Variants in ROBO2 observed in about 807,000 individuals in gnomAD.
ROBO2 encodes the protein roundabout homolog 2.
ROBO2 carries 53 observed loss-of-function variants against 160.8 expected under a neutral mutation model. The observed-to-expected ratio is 0.33, with a 90% CI of 0.26 to 0.41. ROBO2 has a LOEUF of 0.41. Ranked by LOEUF, ROBO2 falls within the 10% of genes least tolerant of loss-of-function variation. The pLI is 1.00. For missense variants in ROBO2, 1,577 were observed against 1,722.4 expected (o/e 0.92, Z 1.49); for synonymous variants, 664 against 611.7 (o/e 1.09, Z -1.26).
intron 2 of ROBO2, among the ~76,000 whole-genome samples, chr3:76,080,579 G>A (rs2108023356): frequency 6.6e-6 from 1 of 152,286 alleles, no homozygotes; most frequent in South Asian, 2.1e-4. Flanking sequence ...GCTCTGAGGA[G>A]TTGCTTACAA....
intron 1 of ROBO2, among the ~76,000 whole-genome samples, chr3:75,907,237 T>G (rs772327655): frequency 1.3e-5 from 2 of 152,158 alleles, no homozygotes; most frequent in African/African-American, 4.8e-5. Context: ...TAGACAAGCT[T>G]TTAAGACGGA....
chr3:76,995,973 A>G (rs951625908), intron 2 of ROBO2, among the ~76,000 whole-genome samples: 66 of 152,212 alleles, frequency 4.3e-4, no homozygotes, highest in African/African-American at 1.6e-3. Context: ...CCATCTGTCA[A>G]TTTTGGCTTT....
At chr3:76,224,349 G>A (rs1275667552) in intron 2 of ROBO2, among the ~76,000 whole-genome samples, 3 of 152,300 alleles carry the variant, frequency 2.0e-5, no homozygotes, top group East Asian at 3.9e-4. Flanking sequence ...AGAAACTTAA[G>A]AGGATATGAG....
intron 20 of ROBO2, 40 bp from the exon 22 acceptor site, chr3:77,607,758 G>T: frequency 1.3e-6 from 2 of 1,585,022 alleles, no homozygotes; most frequent in Non-Finnish European, 1.7e-6. Flanking sequence ...TCTTTATTCT[G>T]CTATTTGGCA....
intron 2 of ROBO2, among the ~76,000 whole-genome samples, chr3:77,305,431 A>G (rs897817388): frequency 6.6e-6 from 1 of 152,230 alleles, no homozygotes; most frequent in Non-Finnish European, 1.5e-5. Context: ...TGCCATGCAC[A>G]GCAATACATC....
chr3:76,898,747 G>A (rs989873486), intron 2 of ROBO2, among the ~76,000 whole-genome samples: 1 of 151,916 alleles, frequency 6.6e-6, no homozygotes, highest in African/African-American at 2.4e-5. Context: ...GCAGTATGGC[G>A]GTGTGAAGAA....
intron 2 of ROBO2, among the ~76,000 whole-genome samples, chr3:76,251,033 C>A (rs1243738075): frequency 6.6e-6 from 1 of 151,986 alleles, no homozygotes; most frequent in Non-Finnish European, 1.5e-5. Context: ...ATAGCATATT[C>A]TTTCCTGACT....
chr3:77,506,714 A>G (rs1022215933), intron 5 of ROBO2, among the ~76,000 whole-genome samples: 1 of 152,148 alleles, frequency 6.6e-6, no homozygotes, highest in Admixed American at 6.6e-5. Flanking sequence ...AGGTTAAGAA[A>G]TGCTGATTTC....
intron 2 of ROBO2, among the ~76,000 whole-genome samples, chr3:76,342,615 TG>T (rs1212505350): frequency 6.6e-6 from 1 of 152,136 alleles, no homozygotes; most frequent in African/African-American, 2.4e-5. Context: ...CTGTTCAACC[TG>T]TATATATCCT....
chr3:76,610,804 C>T (rs1370783098), intron 2 of ROBO2, among the ~76,000 whole-genome samples: 2 of 152,212 alleles, frequency 1.3e-5, no homozygotes, highest in African/African-American at 4.8e-5. Flanking sequence ...AGCTCTCCTT[C>T]TCCTGCGGTC....
At chr3:77,141,320 T>C (rs1272915008) in intron 2 of ROBO2, among the ~76,000 whole-genome samples, 3 of 150,982 alleles carry the variant, frequency 2.0e-5, no homozygotes, top group African/African-American at 7.3e-5. Context: ...ACAGATGTAC[T>C]CTTTTATAAA....
intron 5 of ROBO2, among the ~76,000 whole-genome samples, chr3:77,512,256 C>G (rs1447844): frequency 0.42 from 63,668 of 151,690 alleles, 13,395 homozygotes; most frequent in Middle Eastern, 0.46. Context: ...TTATGTGATT[C>G]TTAATAGGAG....
intron 1 of ROBO2, among the ~76,000 whole-genome samples, chr3:75,918,693 G>A (rs1378699170): frequency 6.6e-6 from 1 of 151,972 alleles, no homozygotes; most frequent in Non-Finnish European, 1.5e-5. Flanking sequence ...ATATGTTTGT[G>A]TCCTGTCATT....
At chr3:77,082,366 A>G (rs2068753865) in intron 1 of ROBO2, among the ~76,000 whole-genome samples, 1 of 152,108 alleles carries the variant, frequency 6.6e-6, no homozygotes, top group South Asian at 2.1e-4. Context: ...AAACATCAGT[A>G]CATCAAGGTA....
At chr3:76,039,195 G>C (rs1439196401) in intron 2 of ROBO2, among the ~76,000 whole-genome samples, 2 of 151,984 alleles carry the variant, frequency 1.3e-5, no homozygotes, top group African/African-American at 4.8e-5. Flanking sequence ...TCCTGTCTTG[G>C]CTTTTGTTTG....
chr3:76,113,117 A>G (rs2070312503), intron 2 of ROBO2, among the ~76,000 whole-genome samples: 1 of 152,104 alleles, frequency 6.6e-6, no homozygotes. Context: ...AATGAGAGAT[A>G]AGAAGATGAG....
intron 2 of ROBO2, among the ~76,000 whole-genome samples, chr3:76,684,077 A>G (rs2092632496): frequency 6.6e-6 from 1 of 152,050 alleles, no homozygotes; most frequent in Non-Finnish European, 1.5e-5. Flanking sequence ...ATATTAGGAC[A>G]TCATTAGAAA....
chr3:76,141,187 A>ATT (rs2071653306), intron 2 of ROBO2, among the ~76,000 whole-genome samples: 6 of 106,506 alleles, frequency 5.6e-5, no homozygotes, highest in South Asian at 5.9e-4. Context: ...ATATATATAT[A>ATT]TTTAATGTCT....
chr3:77,543,793 G>C (rs2092584161), intron 6 of ROBO2, among the ~76,000 whole-genome samples: 1 of 152,042 alleles, frequency 6.6e-6, no homozygotes, highest in African/African-American at 2.4e-5. Context: ...AGGACTCTAA[G>C]GTTTTACTAA....
Sources: gnomAD v4.1 joint callset for allele counts (sites outside exome capture counted in the v4.1 genomes callset) on GRCh38, gnomAD v4.1.1 for gene constraint, MANE v1.5 for transcripts, NCBI Gene and HGNC (gene_info 2026-07-23, HGNC 2026-07-21) for gene names.